The following YJU2 variants were observed in gnomAD, a reference collection of about 807,000 sequenced individuals.
The protein encoded by YJU2 is splicing factor YJU2.
Under a neutral mutation model 39.6 loss-of-function variants are expected in YJU2, and 28 were observed. That is an observed-to-expected ratio of 0.71 (90% CI 0.52 to 0.97). The LOEUF (loss-of-function observed/expected upper bound fraction) is 0.97. Ranked by LOEUF, YJU2 falls within the 50% of genes least tolerant of loss-of-function variation. The pLI, the probability that YJU2 is intolerant of heterozygous loss-of-function variation, is 0.00. For synonymous variants in YJU2, 184 were observed against 182.4 expected (o/e 1.01, Z -0.07); for missense variants, 328 against 430.4 (o/e 0.76, Z 2.11).
intron 6 of YJU2, among the ~76,000 whole-genome samples, chr19:4,265,628 GC>G (rs1568364256): frequency 6.8e-6 from 1 of 146,136 alleles, no homozygotes; most frequent in Admixed American, 6.9e-5. Flanking sequence ...TTGTTCTTTC[GC>G]CCAGGCTGGA....
chr19:4,247,201 C>A (rs1339272585), intron 1 of YJU2, 31 bp downstream of exon 1: 3 of 1,599,964 alleles, frequency 1.9e-6, no homozygotes, highest in Non-Finnish European at 2.6e-6. Flanking sequence ...GCTTTTCAAT[C>A]GGAGCAGGAC....
In YJU2 at chr19:4,268,636, G is replaced by T. The variant is rs558674043; in HGVS notation, c.912G>T (p.Ala304=). The stretch of plus-strand genomic sequence containing the variant: ...ACCCTACACCCCTGACGCCTGGCGC[G>T]TCCTCCCTGAGCCAACTGGGTGCAT... ...EANPTPLTPG[A]SSLSQLGAYL... is the part of the protein sequence containing the mutation. Residue 304 remains alanine, a synonymous_variant, in exon 8 of 8, where the codon GCG becomes GCT. Coordinates refer to ENST00000262962, the MANE Select transcript of YJU2 (RefSeq NM_018074.6). 1.2e-6 allele frequency: 2 copies of T among 1,613,902 alleles called. No individual in the cohort carries two copies. Among genetic ancestry groups the T allele is most frequent in the Admixed American group, 1.7e-5 (1 of 59,996 alleles).
intron 2 of YJU2, among the ~76,000 whole-genome samples, chr19:4,250,757 T>G (rs569744020): frequency 1.7e-4 from 26 of 152,150 alleles, no homozygotes; most frequent in African/African-American, 6.3e-4. Context: ...AGATTGCTTC[T>G]GGGAGTGCAT....
At position 4,265,953 on chromosome 19, in the gene YJU2, A is replaced by AT. The variant is rs75896159; in HGVS notation, c.709-1654dup. Among the ~76,000 whole-genome samples, 474 of 117,340 alleles carry AT rather than the reference A, an allele frequency of 4.0e-3. 4 individuals are homozygous for AT. The highest frequency in any genetic ancestry group is 0.028 in the Middle Eastern group (6 of 214). 77.0% of individuals were successfully genotyped at this position (117,340 alleles called of 152,430 possible). ...TTTGACATCAGCCCAGAGCTACGACATTTTTTTTTTTTTTTTTCGAGACGG... is the reference window on the plus strand; with the variant it reads ...TTTGACATCAGCCCAGAGCTACGACATTTTTTTTTTTTTTTTTTCGAGACGG... On this transcript the variant is annotated intron_variant, in intron 6 of 7. Coordinates refer to ENST00000262962, the MANE Select transcript of YJU2 (RefSeq NM_018074.6).
intron 7 of YJU2, 67 bp downstream of exon 7, chr19:4,267,841 C>G: frequency 2.0e-6 from 3 of 1,464,496 alleles, no homozygotes; most frequent in Non-Finnish European, 1.8e-6. Context: ...CAGCAGCTCC[C>G]TTTGCAGTTA....
At chr19:4,259,334 C>A (rs560038347) in intron 5 of YJU2, among the ~76,000 whole-genome samples, 1 of 152,042 alleles carries the variant, frequency 6.6e-6, no homozygotes, top group Non-Finnish European at 1.5e-5. Flanking sequence ...CCGCCTCGGC[C>A]TCCCAAAGTG....
chr19:4,252,842 A>G (rs540240219), intron 3 of YJU2, among the ~76,000 whole-genome samples: 6 of 152,042 alleles, frequency 3.9e-5, no homozygotes, highest in Admixed American at 6.6e-5. Flanking sequence ...AGGAGAATCA[A>G]TTGAGTCTGG....
At chr19:4,265,179 C>G (rs1384937118) in intron 6 of YJU2, among the ~76,000 whole-genome samples, 1 of 152,138 alleles carries the variant, frequency 6.6e-6, no homozygotes, top group East Asian at 1.9e-4. Flanking sequence ...TCACCTTCAT[C>G]AAGACTTTTC....
intron 5 of YJU2, 43 bp from the exon 6 acceptor site, chr19:4,261,951 C>T (rs776911818): frequency 1.2e-6 from 2 of 1,601,282 alleles, no homozygotes; most frequent in African/African-American, 2.7e-5. Flanking sequence ...AGGCACTGTT[C>T]CCCAAACAGA....
At chr19:4,252,981 C>T (rs1034306151) in intron 3 of YJU2, among the ~76,000 whole-genome samples, 3 of 147,060 alleles carry the variant, frequency 2.0e-5, no homozygotes, top group Non-Finnish European at 4.4e-5. Flanking sequence ...AGAAAAGTTC[C>T]AAAGATAGTA....
intron 3 of YJU2, 88 bp from the exon 4 acceptor site, chr19:4,254,263 CAGAG>C: frequency 3.3e-6 from 3 of 919,218 alleles, no homozygotes; most frequent in Non-Finnish European, 5.3e-6. Context: ...CAGTAAAAAT[CAGAG>C]AGAAGGGGCC....
chr19:4,262,201 T>C (rs1971076994), intron 6 of YJU2, 87 bp downstream of exon 6: 9 of 1,422,704 alleles, frequency 6.3e-6, no homozygotes, highest in Non-Finnish European at 8.5e-6. Context: ...TCTTTTGTTT[T>C]TTGTTTTTGT....
intron 6 of YJU2, 31 bp downstream of exon 6, chr19:4,262,145 C>G (rs748680309): frequency 6.3e-7 from 1 of 1,577,254 alleles, no homozygotes; most frequent in African/African-American, 1.4e-5. Flanking sequence ...CTGGGGGCTC[C>G]CAGGTGAACT....
intron 4 of YJU2, 107 bp downstream of exon 4, chr19:4,254,596 G>C (rs1971004172): frequency 7.0e-7 from 1 of 1,423,176 alleles, no homozygotes. Context: ...AGGAAGATGG[G>C]GTGGGGGGCG....
Position 4,259,740 on chromosome 19 carries a change from G to A in YJU2, c.587+1317G>A, listed in dbSNP as rs116696374. ...CGTGCTGATCCCCTCCTTTCCTGGTGCCTCATCTCCCCTCCCTCCTTTAGA... is the reference window on the plus strand; with the variant it reads ...CGTGCTGATCCCCTCCTTTCCTGGTACCTCATCTCCCCTCCCTCCTTTAGA... On this transcript the variant is annotated intron_variant, in intron 5 of 7. Transcript: ENST00000262962. Among the ~76,000 whole-genome samples the A allele has an allele frequency of 4.4e-3, 665 of 152,090 alleles. 4 individuals carry two copies. The highest frequency in any genetic ancestry group is 0.015 in the African/African-American group (621 of 41,494).
Position 4,267,651 on chromosome 19 carries a change from G to T in YJU2, c.736G>T (p.Val246Phe). 1 of 1,613,474 alleles carries T rather than the reference G, an allele frequency of 6.2e-7. No individual in the cohort carries two copies. Among genetic ancestry groups the T allele is most frequent in the Non-Finnish European group, 8.5e-7 (1 of 1,179,928 alleles). Residue 246 changes from valine (V) to phenylalanine (F), a missense_variant, in exon 7 of 8, where the codon GTC becomes TTC. Physicochemically the swap from Val to Phe is conservative, Grantham distance 50 (BLOSUM62 -1). Coordinates refer to ENST00000262962, the MANE Select transcript of YJU2 (RefSeq NM_018074.6). The part of the protein sequence containing the change: ...EAPKPKRKVE[V>F]WEQSVGSLGS... ...CCCAAAGCCCAAGAGGAAGGTGGAG[G>T]TCTGGGAGCAGAGCGTTGGCAGCCT...
At chr19:4,264,070 A>G (rs1427918927) in intron 6 of YJU2, among the ~76,000 whole-genome samples, 44 of 151,608 alleles carry the variant, frequency 2.9e-4, no homozygotes, top group Admixed American at 1.5e-3. Flanking sequence ...AGATCATCCT[A>G]TCTAACACGG....
chr19:4,263,225 A>T (rs1971087015), intron 6 of YJU2, among the ~76,000 whole-genome samples: 1 of 152,208 alleles, frequency 6.6e-6, no homozygotes, highest in Non-Finnish European at 1.5e-5. Context: ...CTGGGCTGAC[A>T]GTCTAGGACT....
chr19:4,266,977 T>G (rs1006493175), intron 6 of YJU2, among the ~76,000 whole-genome samples: 1 of 152,094 alleles, frequency 6.6e-6, no homozygotes, highest in Non-Finnish European at 1.5e-5. Context: ...CAAAAAAATT[T>G]TTTTAATAAT....
Sources: allele counts gnomAD v4.1 joint callset (sites outside exome capture counted in the v4.1 genomes callset), GRCh38; gene constraint gnomAD v4.1.1; transcripts MANE v1.5; gene names NCBI Gene and HGNC (gene_info 2026-07-23, HGNC 2026-07-21).